Variants in PRDM16 observed in about 807,000 individuals in gnomAD.
The protein encoded by PRDM16 is PR/SET domain 16, also known as histone-lysine N-methyltransferase PRDM16.
A neutral mutation model predicts 110.6 loss-of-function variants in PRDM16; 23 were observed. The observed-to-expected ratio is 0.21, with a 90% CI of 0.15 to 0.29. The LOEUF (loss-of-function observed/expected upper bound fraction) is 0.29. Ranked by LOEUF, PRDM16 falls within the 10% of genes least tolerant of loss-of-function variation. The pLI, the probability that PRDM16 is intolerant of heterozygous loss-of-function variation, is 1.00. For missense variants in PRDM16, 1,615 were observed against 1,794.3 expected (o/e 0.90, Z 1.81); for synonymous variants, 799 against 781.8 (o/e 1.02, Z -0.37).
rs748790962 is a variant in PRDM16 at position 3,390,833 on chromosome 1, TG to T, written c.573+5548del. Among the ~76,000 whole-genome samples, 7 of 119,602 alleles carry T rather than the reference TG, an allele frequency of 5.9e-5. No homozygotes were observed. Among genetic ancestry groups the T allele is most frequent in the African/African-American group, 1.8e-4 (6 of 33,004 alleles). The allele number at this position is 119,602 out of a possible 152,430, so 78.5% of individuals were successfully genotyped here. A position where few individuals can be genotyped will look rare whatever the true frequency, so the allele number is the denominator to read the frequency against. ...CCCTTTGCTTTTATCTCTCACAGTG[TG>T]TTTTTTTTTTTTTTTTTTTAGACAG... On this transcript the variant is annotated intron_variant, in intron 4 of 16. Transcript: ENST00000270722. The surrounding 1 kb of genome is among the most constrained non-coding windows in gnomAD (Gnocchi z 5.0).
chr1:3,412,926 C>T, intron 9 of PRDM16, 126 bp downstream of exon 9: 1 of 763,954 alleles, frequency 1.3e-6, no homozygotes, highest in Non-Finnish European at 1.9e-6. Flanking sequence ...TTGCTGACTT[C>T]AGGAAGATGC....
chr1:3,350,632 C>T lies in PRDM16; in HGVS notation c.439-34520C>T, dbSNP rs542491566. ...GAGCCAGCCCTGCCCGGCCAGGGCT[C>T]GGGCACAGCTTGGCTCCATGCAGGG... On this transcript the variant is annotated intron_variant, in intron 3 of 16. Coordinates refer to ENST00000270722, the MANE Select transcript of PRDM16 (RefSeq NM_022114.4). The surrounding 1 kb of genome is among the most constrained non-coding windows in gnomAD (Gnocchi z 7.1). Among the ~76,000 whole-genome samples, 1 of 152,162 alleles carries T rather than the reference C, an allele frequency of 6.6e-6. No individual in the cohort carries two copies. Among genetic ancestry groups the T allele is most frequent in the South Asian group, 2.1e-4 (1 of 4,822 alleles).
At chr1:3,233,459 G>A (rs974491498) in intron 2 of PRDM16, among the ~76,000 whole-genome samples, 21 of 152,232 alleles carry the variant, frequency 1.4e-4, no homozygotes, top group African/African-American at 5.1e-4. Flanking sequence ...CTCACAGTGA[G>A]CGGAATCTGT....
chr1:3,198,851 T>C (rs1320940306), intron 2 of PRDM16, among the ~76,000 whole-genome samples: 2 of 152,174 alleles, frequency 1.3e-5, no homozygotes, highest in Admixed American at 6.5e-5. Flanking sequence ...TGTTCAATCA[T>C]GTTCAAAAAT....
At chr1:3,366,727 G>A (rs1489482530) in intron 3 of PRDM16, among the ~76,000 whole-genome samples, 1 of 152,110 alleles carries the variant, frequency 6.6e-6, no homozygotes, top group East Asian at 1.9e-4. Context: ...AATGATTAGG[G>A]CGTCTCGTGA....
chr1:3,339,224 G>T lies in PRDM16; in HGVS notation c.439-45928G>T, dbSNP rs941353281. On this transcript the variant is annotated intron_variant, in intron 3 of 16. Transcript: ENST00000270722. This position sits in a 1 kb window ranked among gnomAD's most constrained non-coding sequence, Gnocchi z 5.0. Reference sequence around the variant, plus strand: ...TGCTGAAAGCCGAACCACGTTTTGTGGGATACTGCCCCCGAGGGAGACAGC... The same window carrying T: ...TGCTGAAAGCCGAACCACGTTTTGTTGGATACTGCCCCCGAGGGAGACAGC... Among the ~76,000 whole-genome samples the T allele has an allele frequency of 2.6e-5, 4 of 152,116 alleles. No homozygotes were observed. The highest frequency in any genetic ancestry group is 4.4e-5 in the Non-Finnish European group (3 of 68,024).
rs191034517 is a variant in PRDM16, at chr1:3,295,645, G to A, written c.438+51508G>A. On this transcript the variant is annotated intron_variant, in intron 3 of 16. Coordinates refer to ENST00000270722, the MANE Select transcript of PRDM16 (RefSeq NM_022114.4). ...CCCACCGGTAGCAGCAGACTTGACC[G>A]CCAGGCTCTGAGGCCTGCACACCAC... 5.7e-3 allele frequency among the ~76,000 whole-genome samples: 868 copies of A among 152,250 alleles called. 10 individuals carry two copies. The highest frequency in any genetic ancestry group is 0.02 in the African/African-American group (815 of 41,534).
At chr1:3,328,180 C>A (rs2100480234) in intron 3 of PRDM16, among the ~76,000 whole-genome samples, 1 of 152,346 alleles carries the variant, frequency 6.6e-6, no homozygotes, top group South Asian at 2.1e-4. Flanking sequence ...CCCCCTGTCC[C>A]CAGGCACCAC....
intron 1 of PRDM16, among the ~76,000 whole-genome samples, chr1:3,173,228 G>A (rs1161840971): frequency 6.6e-6 from 1 of 152,172 alleles, no homozygotes; most frequent in Non-Finnish European, 1.5e-5. Context: ...TATTAACCAA[G>A]GAATAAAGGA....
At chr1:3,185,737 G>A (rs1160381542) in intron 1 of PRDM16, among the ~76,000 whole-genome samples, 7 of 152,240 alleles carry the variant, frequency 4.6e-5, no homozygotes, top group African/African-American at 7.2e-5. Flanking sequence ...CACGCGTGAC[G>A]GCTTCACCGG....
intron 3 of PRDM16, among the ~76,000 whole-genome samples, chr1:3,381,926 C>T (rs1422469926): frequency 2.6e-5 from 4 of 152,240 alleles, no homozygotes; most frequent in Non-Finnish European, 4.4e-5. Flanking sequence ...GGCTGTGAGT[C>T]CCCTGCCCCA....
intron 1 of PRDM16, among the ~76,000 whole-genome samples, chr1:3,182,036 C>T (rs191111885): frequency 1.2e-4 from 19 of 152,372 alleles, no homozygotes; most frequent in East Asian, 7.7e-4. Flanking sequence ...TGCTTACACA[C>T]GGATACTCAT....
At chr1:3,334,681 C>T (rs1273833433) in intron 3 of PRDM16, among the ~76,000 whole-genome samples, 1 of 152,234 alleles carries the variant, frequency 6.6e-6, no homozygotes, top group Non-Finnish European at 1.5e-5. Context: ...CTCCACAAAG[C>T]CACCACTGTG....
chr1:3,108,041 T>C (rs1195619863), intron 1 of PRDM16, among the ~76,000 whole-genome samples: 2 of 152,242 alleles, frequency 1.3e-5, no homozygotes. Flanking sequence ...GCCAAACTGA[T>C]TCCTTTCTCC....
At position 3,151,912 on chromosome 1, in the gene PRDM16, A is replaced by G. The variant is rs567795278; in HGVS notation, c.38-34213A>G. Among the ~76,000 whole-genome samples the G allele has an allele frequency of 4.2e-4, 64 of 152,318 alleles. 1 individual carries two copies. The highest frequency in any genetic ancestry group is 3.3e-3 in the Admixed American group (50 of 15,302). ...CAACTGTGGCTTTTAAATCTCAGAA[A>G]TGGGAACATGCCTTTGGGCCGAGAC... On this transcript the variant is annotated intron_variant, in intron 1 of 16. Transcript: ENST00000270722.
chr1:3,248,961 A>C (rs898554534), intron 3 of PRDM16, among the ~76,000 whole-genome samples: 11 of 152,216 alleles, frequency 7.2e-5, no homozygotes, highest in African/African-American at 2.7e-4. Context: ...CGAGACAGAC[A>C]GGCAACTGCT....
At chr1:3,291,776 G>A (rs1046949722) in intron 3 of PRDM16, among the ~76,000 whole-genome samples, 2 of 152,272 alleles carry the variant, frequency 1.3e-5, no homozygotes, top group African/African-American at 4.8e-5. Flanking sequence ...CTGTGTAAAT[G>A]CCCGGCAAGA....
At chr1:3,294,671 C>T (rs1018255656) in intron 3 of PRDM16, among the ~76,000 whole-genome samples, 14 of 152,278 alleles carry the variant, frequency 9.2e-5, no homozygotes, top group Admixed American at 7.8e-4. Flanking sequence ...CCTCTGTCCC[C>T]CAGGCCTCGC....
intron 2 of PRDM16, among the ~76,000 whole-genome samples, chr1:3,233,573 C>A (rs1244059748): frequency 6.6e-6 from 1 of 152,218 alleles, no homozygotes; most frequent in Non-Finnish European, 1.5e-5. Flanking sequence ...TCTCCCTGCC[C>A]CTGTGAGTGC....
Sources: gnomAD v4.1 joint callset for allele counts (sites outside exome capture counted in the v4.1 genomes callset) on GRCh38, gnomAD v4.1.1 for gene constraint, Gnocchi (gnomAD v3.1) non-coding constraint, MANE v1.5 for transcripts, NCBI Gene and HGNC (gene_info 2026-07-23, HGNC 2026-07-21) for gene names.